Variants in SGCZ observed in about 807,000 individuals in gnomAD.
SGCZ encodes the protein zeta-sarcoglycan.
Under a neutral mutation model 41.3 loss-of-function variants are expected in SGCZ, and 40 were observed. That is an observed-to-expected ratio of 0.97 (90% CI 0.75 to 1.26). The LOEUF is 1.26. Among genes scored for constraint, SGCZ ranks in the 50% most tolerant of loss-of-function variants. The pLI, the probability that SGCZ is intolerant of heterozygous loss-of-function variation, is 0.00. For missense variants in SGCZ, 552 were observed against 369.8 expected (o/e 1.49, Z -4.04); for synonymous variants, 206 against 137.5 (o/e 1.50, Z -3.49).
intron 1 of SGCZ, among the ~76,000 whole-genome samples, chr8:14,814,700 G>C (rs565672702): frequency 2.0e-5 from 3 of 152,204 alleles, no homozygotes; most frequent in Admixed American, 1.3e-4. Flanking sequence ...AGAATTTTTT[G>C]TTTGTTTCTT....
chr8:15,209,495 A>C, intron 1 of SGCZ, among the ~76,000 whole-genome samples: 2 of 9,660 alleles, frequency 2.1e-4, no homozygotes, highest in Middle Eastern at 0.071. Flanking sequence ...AAAAAAAAAA[A>C]AAAAAAAAGT....
At chr8:14,789,541 A>G (rs1800881159) in intron 1 of SGCZ, among the ~76,000 whole-genome samples, 2 of 152,180 alleles carry the variant, frequency 1.3e-5, no homozygotes, top group African/African-American at 4.8e-5. Flanking sequence ...CAATTTTAGT[A>G]TCTAAAACTT....
chr8:14,374,807 A>G (rs1804052884), intron 2 of SGCZ, among the ~76,000 whole-genome samples: 1 of 152,170 alleles, frequency 6.6e-6, no homozygotes, highest in African/African-American at 2.4e-5. Context: ...TAAGCCAGGA[A>G]TGGATGTGGA....
At chr8:14,759,330 T>C (rs1725624839) in intron 1 of SGCZ, among the ~76,000 whole-genome samples, 3 of 136,154 alleles carry the variant, frequency 2.2e-5, no homozygotes, top group African/African-American at 5.7e-5. Flanking sequence ...TTTTTAAAAA[T>C]AGTTTTAGCC....
intron 2 of SGCZ, among the ~76,000 whole-genome samples, chr8:14,370,914 A>C (rs1388806753): frequency 6.6e-6 from 1 of 152,014 alleles, no homozygotes; most frequent in African/African-American, 2.4e-5. Context: ...GCCCCACAGA[A>C]TGTGGAATTT....
Position 14,129,345 on chromosome 8 carries a change from C to CAAAAAAA in SGCZ, c.548-21117_548-21111dup, listed in dbSNP as rs534660638. Among the ~76,000 whole-genome samples the CAAAAAAA allele has an allele frequency of 9.3e-4, 41 of 44,150 alleles. 2 individuals carry two copies. The highest frequency in any genetic ancestry group is 1.5e-3 in the Admixed American group (4 of 2,730). 29.0% of individuals were successfully genotyped at this position (44,150 alleles called of 152,430 possible). A position where few individuals can be genotyped will look rare whatever the true frequency, so the allele number is the denominator to read the frequency against. ...TGGGTGACAGAGCGAGACTCCGTCT[C>CAAAAAAA]AAAAAAAAAAAAAAAAAAAAAAAAA... is the stretch of plus-strand genomic sequence containing the variant. On this transcript the variant is annotated intron_variant, in intron 5 of 7. Coordinates refer to ENST00000382080, the MANE Select transcript of SGCZ (RefSeq NM_139167.4).
At chr8:15,007,042 C>G (rs1411315273) in intron 1 of SGCZ, among the ~76,000 whole-genome samples, 2 of 152,106 alleles carry the variant, frequency 1.3e-5, no homozygotes, top group Non-Finnish European at 2.9e-5. Context: ...AGTACTTAGA[C>G]TAGTATATTT....
At chr8:15,218,911 C>T (rs1211943303) in intron 1 of SGCZ, among the ~76,000 whole-genome samples, 8 of 152,170 alleles carry the variant, frequency 5.3e-5, no homozygotes, top group African/African-American at 1.9e-4. Flanking sequence ...ACACAGCCCA[C>T]AAGTGGCGCT....
At chr8:14,860,631 A>C (rs1447974718) in intron 1 of SGCZ, among the ~76,000 whole-genome samples, 1 of 151,684 alleles carries the variant, frequency 6.6e-6, no homozygotes, top group African/African-American at 2.4e-5. Context: ...GAAAAAGACA[A>C]AGAGAGAAAG....
intron 2 of SGCZ, among the ~76,000 whole-genome samples, chr8:14,420,909 C>G (rs577287167): frequency 6.6e-6 from 1 of 152,044 alleles, no homozygotes; most frequent in Non-Finnish European, 1.5e-5. Flanking sequence ...CCAGATTTAA[C>G]GAAATGGCCT....
chr8:15,017,729 T>C (rs67597983), intron 1 of SGCZ, among the ~76,000 whole-genome samples: 53,091 of 151,938 alleles, frequency 0.35, 10,316 homozygotes, highest in East Asian at 0.5. Context: ...TGGTCTCAAA[T>C]TCCTGGGCTC....
intron 1 of SGCZ, among the ~76,000 whole-genome samples, chr8:14,655,089 T>C (rs1807522380): frequency 6.6e-6 from 1 of 152,128 alleles, no homozygotes; most frequent in Non-Finnish European, 1.5e-5. Flanking sequence ...GTGTAAATAT[T>C]GTACATTATG....
chr8:14,745,967 G>C (rs940494754), intron 1 of SGCZ, among the ~76,000 whole-genome samples: 1 of 151,712 alleles, frequency 6.6e-6, no homozygotes, highest in African/African-American at 2.4e-5. Flanking sequence ...TTATTTCTTA[G>C]AGTTGTAAGT....
At chr8:14,703,126 T>C (rs1043727278) in intron 1 of SGCZ, among the ~76,000 whole-genome samples, 5 of 151,998 alleles carry the variant, frequency 3.3e-5, no homozygotes, top group Non-Finnish European at 7.4e-5. Context: ...TAAAGATACA[T>C]CACATGATGT....
intron 1 of SGCZ, among the ~76,000 whole-genome samples, chr8:14,593,179 G>C (rs1348264754): frequency 6.6e-6 from 1 of 152,118 alleles, no homozygotes; most frequent in East Asian, 1.9e-4. Context: ...GAATAAATTA[G>C]ATATCTTGAT....
intron 1 of SGCZ, among the ~76,000 whole-genome samples, chr8:14,726,864 G>C (rs551859342): frequency 6.6e-6 from 1 of 152,006 alleles, no homozygotes; most frequent in East Asian, 1.9e-4. Flanking sequence ...GGAAAAACTA[G>C]TATCTAGTAT....
At chr8:14,253,733 A>G (rs1014581337) in intron 3 of SGCZ, among the ~76,000 whole-genome samples, 2 of 152,156 alleles carry the variant, frequency 1.3e-5, no homozygotes, top group Non-Finnish European at 2.9e-5. Flanking sequence ...TATAATAAAT[A>G]GCTTATTCTT....
chr8:14,500,446 T>C (rs1264558513), intron 2 of SGCZ, among the ~76,000 whole-genome samples: 1 of 151,930 alleles, frequency 6.6e-6, no homozygotes, highest in East Asian at 1.9e-4. Context: ...AGTTACTTTT[T>C]TTTTTTTACT....
intron 5 of SGCZ, among the ~76,000 whole-genome samples, chr8:14,149,436 A>G (rs1292979693): frequency 6.6e-6 from 1 of 152,126 alleles, no homozygotes; most frequent in Non-Finnish European, 1.5e-5. Context: ...TAGCACACAT[A>G]AAATTAATTA....
Sources: gnomAD v4.1 joint callset for allele counts (sites outside exome capture counted in the v4.1 genomes callset) on GRCh38, gnomAD v4.1.1 for gene constraint, MANE v1.5 for transcripts, NCBI Gene and HGNC (gene_info 2026-07-23, HGNC 2026-07-21) for gene names.